MRO: variants seen among roughly 807,000 people sequenced by gnomAD.
MRO encodes maestro, also known as protein maestro.
Under a neutral mutation model 31.0 loss-of-function variants are expected in MRO, and 28 were observed. That is an observed-to-expected ratio of 0.90 (90% CI 0.67 to 1.24). MRO has a LOEUF of 1.24. MRO is among the 50% of genes most tolerant of loss of function. The pLI is 0.00. For synonymous variants in MRO, 108 were observed against 108.4 expected, an observed-to-expected ratio of 1.00 and a Z score of 0.02; for missense variants, 332 against 289.2, an observed-to-expected ratio of 1.15 and a Z score of -1.07.
Position 50,799,208 on chromosome 18 carries a change from C to A in MRO, c.*129G>T, listed in dbSNP as rs1379137040. 2 of 794,788 alleles carry A rather than the reference C, an allele frequency of 2.5e-6. No homozygotes were observed. The highest frequency in any genetic ancestry group is 4.3e-6 in the Non-Finnish European group (2 of 469,166). The allele number at this position is 794,788 out of a possible 1,614,324, so 49.2% of individuals were successfully genotyped here. A position where few individuals can be genotyped will look rare whatever the true frequency, so the allele number is the denominator to read the frequency against. On this transcript the variant is annotated 3_prime_UTR_variant, in exon 8 of 8. Coordinates refer to ENST00000398439, the MANE Select transcript of MRO (RefSeq NM_031939.6). The stretch of plus-strand genomic sequence containing the variant: ...ATTATTTTTGCCTTTGATTGCTCTC[C>A]CAGCACCCTCTTTCCCATTACAATC...
intron 2 of MRO, 112 bp downstream of exon 2, chr18:50,819,469 C>T: frequency 6.8e-7 from 1 of 1,466,850 alleles, no homozygotes; most frequent in Non-Finnish European, 9.0e-7. Flanking sequence ...CCCTAGAGGT[C>T]GAGCTCCCAT....
intron 5 of MRO, among the ~76,000 whole-genome samples, chr18:50,803,045 C>G (rs1183150328): frequency 6.6e-6 from 1 of 152,094 alleles, no homozygotes; most frequent in Non-Finnish European, 1.5e-5. Flanking sequence ...AGGAGTCTGA[C>G]AACCATCTAA....
chr18:50,821,576 T>C (rs1399883447), upstream of MRO, among the ~76,000 whole-genome samples: 1 of 152,174 alleles, frequency 6.6e-6, no homozygotes, highest in Non-Finnish European at 1.5e-5. Flanking sequence ...CAAAGTATGA[T>C]TGTAAAGATT....
In MRO at chr18:50,796,367, C is replaced by A. The variant is rs1245203532; in HGVS notation, c.*2970G>T. The A allele has an allele frequency of 1.3e-5, 2 of 151,192 alleles. No homozygotes were observed. The highest frequency in any genetic ancestry group is 2.4e-5 in the African/African-American group (1 of 41,222). 9.4% of individuals were successfully genotyped at this position (151,192 alleles called of 1,614,324 possible). ...AGATACAATGATGTACAAGATACAG[C>A]CCTGCCTTCTGTAGTTTCAATCTAA... On this transcript the variant is annotated 3_prime_UTR_variant, in exon 8 of 8. Coordinates refer to ENST00000398439, the MANE Select transcript of MRO (RefSeq NM_031939.6).
At chr18:50,822,410 C>T (rs1915336637), upstream of MRO, among the ~76,000 whole-genome samples, 1 of 152,146 alleles carries the variant, frequency 6.6e-6, no homozygotes, top group African/African-American at 2.4e-5. Flanking sequence ...GGGAACTTGG[C>T]TCACTGCAAC....
chr18:50,817,999 C>CA (rs1485905184), intron 2 of MRO, among the ~76,000 whole-genome samples: 2 of 128,314 alleles, frequency 1.6e-5, no homozygotes, highest in Middle Eastern at 4.1e-3. Flanking sequence ...CTCCCACCCC[C>CA]CGCCCCATGC....
intron 2 of MRO, among the ~76,000 whole-genome samples, chr18:50,811,164 C>T (rs1395079586): frequency 6.6e-6 from 1 of 152,220 alleles, no homozygotes; most frequent in African/African-American, 2.4e-5. Flanking sequence ...GTGGAGGACT[C>T]TGACTTCTAA....
chr18:50,805,155 T>C lies in MRO; in HGVS notation c.428A>G (p.Asp143Gly), dbSNP rs764174163. Residue 143 changes from aspartate (D) to glycine (G), a missense_variant and splice_region_variant, in exon 5 of 8, where the codon GAC (aspartate) becomes GGC (glycine). Coordinates refer to ENST00000398439, the MANE Select transcript of MRO (RefSeq NM_031939.6). ...CCAGAATTTTTCTGATTTACTTACG[T>C]CATCTAATAAAGTCCTGGTCTGAAG... is the stretch of plus-strand genomic sequence containing the variant. ...ITLQTRTLLD[D>G]ENDSLRYSAF... 2 of 1,608,580 alleles carry C rather than the reference T, an allele frequency of 1.2e-6. No homozygotes were observed. Among genetic ancestry groups the C allele is most frequent in the Non-Finnish European group, 1.7e-6 (2 of 1,175,692 alleles).
intron 2 of MRO, chr18:50,819,339 G>T: frequency 1.4e-6 from 1 of 716,612 alleles, no homozygotes; most frequent in Non-Finnish European, 1.7e-6. Flanking sequence ...GCTGACAATA[G>T]AATGATCTAT....
intron 2 of MRO, among the ~76,000 whole-genome samples, chr18:50,816,340 T>G (rs1257498978): frequency 6.6e-6 from 1 of 152,218 alleles, no homozygotes; most frequent in African/African-American, 2.4e-5. Context: ...AGCTTTTTCT[T>G]TTTCTTTTTC....
intron 2 of MRO, among the ~76,000 whole-genome samples, chr18:50,817,740 G>T (rs993834808): frequency 3.9e-5 from 6 of 152,092 alleles, no homozygotes; most frequent in African/African-American, 1.4e-4. Flanking sequence ...ATGAGAAAGA[G>T]AAAGAGGTCA....
At chr18:50,816,378 G>C (rs181599342) in intron 2 of MRO, among the ~76,000 whole-genome samples, 20 of 152,226 alleles carry the variant, frequency 1.3e-4, no homozygotes, top group Admixed American at 2.6e-4. Context: ...ATATTGCCCT[G>C]TAAATTGTGG....
At chr18:50,822,821 T>C (rs9948324), upstream of MRO, among the ~76,000 whole-genome samples, 30,058 of 151,528 alleles carry the variant, frequency 0.2, 3,059 homozygotes, top group Non-Finnish European at 0.23. Context: ...CCTTCTTTCT[T>C]CCAGTGTTTA....
At chr18:50,814,014 CAT>C (rs144759905) in intron 2 of MRO, among the ~76,000 whole-genome samples, 3,616 of 152,220 alleles carry the variant, frequency 0.024, 53 homozygotes, top group Admixed American at 0.036. Context: ...TTTAAATTCA[CAT>C]AGAGTCAAAA....
intron 2 of MRO, among the ~76,000 whole-genome samples, chr18:50,818,813 G>A (rs999625830): frequency 1.3e-5 from 2 of 152,138 alleles, no homozygotes; most frequent in African/African-American, 4.8e-5. Context: ...AGCATTTTGG[G>A]AGGCTGAGGC....
intron 2 of MRO, among the ~76,000 whole-genome samples, chr18:50,810,889 G>T (rs188338749): frequency 6.6e-6 from 1 of 152,208 alleles, no homozygotes; most frequent in Admixed American, 6.5e-5. Context: ...GGGTACATGC[G>T]CACAACGTGC....
rs1461737872 is a variant in MRO, at chr18:50,795,970, C to G, written c.*3367G>C. The G allele has an allele frequency of 6.6e-6, 1 of 152,082 alleles. No individual in the cohort carries two copies. The highest frequency in any genetic ancestry group is 2.4e-5 in the African/African-American group (1 of 41,416). 9.4% of individuals were successfully genotyped at this position (152,082 alleles called of 1,614,324 possible). On this transcript the variant is annotated 3_prime_UTR_variant, in exon 8 of 8. Coordinates refer to ENST00000398439, the MANE Select transcript of MRO (RefSeq NM_031939.6). ...TAAAAATAAAGAAAGAAAGACCTAT[C>G]TCATGAGCACCAGAGACACAGGGAC...
intron 2 of MRO, among the ~76,000 whole-genome samples, chr18:50,819,048 G>A (rs547177315): frequency 6.6e-6 from 1 of 151,238 alleles, no homozygotes; most frequent in Non-Finnish European, 1.5e-5. Context: ...ACAAGACCCT[G>A]TCTCAAAAAA....
intron 2 of MRO, among the ~76,000 whole-genome samples, chr18:50,816,576 A>G (rs1410533565): frequency 1.3e-5 from 2 of 152,204 alleles, no homozygotes; most frequent in Non-Finnish European, 2.9e-5. Flanking sequence ...TTAGCTGTAA[A>G]GAAACACCAG....
Sources: gnomAD v4.1 joint callset for allele counts (sites outside exome capture counted in the v4.1 genomes callset) on GRCh38, gnomAD v4.1.1 for gene constraint, MANE v1.5 for transcripts, NCBI Gene and HGNC (gene_info 2026-07-23, HGNC 2026-07-21) for gene names.